TRMT9B: variants seen among roughly 807,000 people sequenced by gnomAD.
TRMT9B encodes tRNA methyltransferase 9B (putative).
TRMT9B carries 16 observed loss-of-function variants against 11.5 expected under a neutral mutation model. The observed-to-expected ratio is 1.39, with a 90% CI of 0.94 to 2.11. TRMT9B has a LOEUF of 2.11. TRMT9B is among the 30% of genes most tolerant of loss of function. The pLI, the probability that TRMT9B is intolerant of heterozygous loss-of-function variation, is 0.00. For missense variants in TRMT9B, 941 were observed against 553.8 expected (o/e 1.70, Z -7.02); for synonymous variants, 274 against 192.4 (o/e 1.42, Z -3.51).
chr8:12,977,802 G>A (rs1804694943), intron 1 of TRMT9B, among the ~76,000 whole-genome samples: 1 of 151,828 alleles, frequency 6.6e-6, no homozygotes, highest in African/African-American at 2.4e-5. Context: ...ATGGCTTGAG[G>A]CCAGGAGTTC....
intron 3 of TRMT9B, chr8:13,007,436 G>T (rs1302016896): frequency 6.6e-6 from 1 of 152,168 alleles, no homozygotes; most frequent in Non-Finnish European, 1.5e-5. Flanking sequence ...TCTAGCAATT[G>T]CATGCTGACT....
chr8:13,019,086 G>A (rs1019754067), intron 4 of TRMT9B, among the ~76,000 whole-genome samples: 1 of 152,136 alleles, frequency 6.6e-6, no homozygotes, highest in African/African-American at 2.4e-5. Context: ...AAAGTCTGGA[G>A]TATTGATTTG....
chr8:13,008,769 C>T (rs1198828616), intron 3 of TRMT9B, among the ~76,000 whole-genome samples: 1 of 152,062 alleles, frequency 6.6e-6, no homozygotes, highest in Admixed American at 6.6e-5. Flanking sequence ...TGCTCTGTTG[C>T]CCAGGCTGGA....
chr8:13,021,691 C>G lies in TRMT9B; in HGVS notation c.1012C>G (p.Gln338Glu), dbSNP rs747689360. 11 of 1,613,834 alleles carry G rather than the reference C, an allele frequency of 6.8e-6. No individual in the cohort carries two copies. The South Asian group carries it at 1.2e-4, about 18-fold the overall frequency. ...GTLKHLNGDH[Q>E]GEMRRNGGGN... ...TCTGAAACATTTAAATGGAGACCAT[C>G]AAGGGGAAATGAGGAGAAATGGAGG... Residue 338 changes from glutamine to glutamate, a missense_variant, in exon 5 of 5, where the codon CAA becomes GAA. Transcript: ENST00000524591.
intron 2 of TRMT9B, among the ~76,000 whole-genome samples, chr8:12,999,455 T>C (rs1040520963): frequency 6.6e-6 from 1 of 152,140 alleles, no homozygotes; most frequent in Admixed American, 6.6e-5. Flanking sequence ...CACATATGTA[T>C]GTAAAAACAT....
chr8:13,010,202 A>T (rs757273650), intron 3 of TRMT9B: 1 of 852,420 alleles, frequency 1.2e-6, no homozygotes, highest in Non-Finnish European at 1.4e-6. Context: ...CAACAACTAC[A>T]TCTATAGTAA....
chr8:12,986,608 G>A (rs1166621606), intron 1 of TRMT9B, among the ~76,000 whole-genome samples: 5 of 152,166 alleles, frequency 3.3e-5, no homozygotes, highest in Admixed American at 6.5e-5. Context: ...CATGCATTAC[G>A]AAGGAAGGGT....
In TRMT9B at chr8:12,987,081, G is replaced by A. The variant is rs372309261; in HGVS notation, c.-199-3753G>A. ...CTTCCAGCCTCTTATTTCGCCATTT[G>A]CTTCCTTGCCTCCCTTTCTCCTCGC... On this transcript the variant is annotated intron_variant, in intron 1 of 4. Transcript: ENST00000524591. Among the ~76,000 whole-genome samples the A allele has an allele frequency of 6.6e-5, 10 of 152,254 alleles. No homozygotes were observed. The East Asian group carries it at 1.2e-3, about 18-fold the overall frequency.
At chr8:12,983,866 C>G (rs562147975) in intron 1 of TRMT9B, among the ~76,000 whole-genome samples, 1 of 152,176 alleles carries the variant, frequency 6.6e-6, no homozygotes, top group African/African-American at 2.4e-5. Flanking sequence ...CTGTTAACAG[C>G]TGACACAGGT....
chr8:12,975,660 C>G (rs966152466), intron 1 of TRMT9B, among the ~76,000 whole-genome samples: 1 of 152,120 alleles, frequency 6.6e-6, no homozygotes, highest in African/African-American at 2.4e-5. Context: ...ATCCTTTGAA[C>G]CCGTGAGGTG....
chr8:13,006,764 GT>G, intron 3 of TRMT9B: 1 of 669,224 alleles, frequency 1.5e-6, no homozygotes, highest in Non-Finnish European at 2.0e-6. Flanking sequence ...CGCCTCCCAG[GT>G]TCAACTGATT....
intron 1 of TRMT9B, among the ~76,000 whole-genome samples, chr8:12,964,697 C>T (rs1802583569): frequency 6.6e-6 from 1 of 152,148 alleles, no homozygotes; most frequent in Non-Finnish European, 1.5e-5. Flanking sequence ...TCCTTATCCT[C>T]CTGAGTAACT....
At chr8:12,958,113 C>G (rs1230111237) in intron 1 of TRMT9B, among the ~76,000 whole-genome samples, 1 of 152,018 alleles carries the variant, frequency 6.6e-6, no homozygotes, top group Non-Finnish European at 1.5e-5. Context: ...TAATTTATTC[C>G]ATGTAGTATA....
At chr8:12,982,249 G>T (rs1466082063) in intron 1 of TRMT9B, among the ~76,000 whole-genome samples, 1 of 152,080 alleles carries the variant, frequency 6.6e-6, no homozygotes, top group East Asian at 1.9e-4. Flanking sequence ...GAGGTGATAG[G>T]GAAGGGGCAG....
chr8:12,972,021 T>A (rs1406474763), intron 1 of TRMT9B, among the ~76,000 whole-genome samples: 1 of 152,212 alleles, frequency 6.6e-6, no homozygotes, highest in Admixed American at 6.5e-5. Flanking sequence ...TTTCATGTTT[T>A]GCACAATAGC....
In TRMT9B at chr8:12,956,415, G is replaced by T. The variant is rs78519202; in HGVS notation, c.-200+10449G>T. 9.1e-3 allele frequency among the ~76,000 whole-genome samples: 1,379 copies of T among 152,296 alleles called. 9 individuals are homozygous for T. The highest frequency in any genetic ancestry group is 0.015 in the Non-Finnish European group (1,036 of 68,028). On this transcript the variant is annotated intron_variant, in intron 1 of 4. Transcript: ENST00000524591. ...ATGTTATCGTTTTGCAGCTGAAATT[G>T]CTGGAAAAAGCATCAAGCAAATGAA...
chr8:13,002,578 G>T (rs113656709), intron 2 of TRMT9B, among the ~76,000 whole-genome samples: 27 of 152,280 alleles, frequency 1.8e-4, no homozygotes, highest in African/African-American at 4.8e-4. Flanking sequence ...TGCAGGGGCT[G>T]TGGGTAGGTT....
At chr8:12,968,971 G>C (rs1054314238) in intron 1 of TRMT9B, among the ~76,000 whole-genome samples, 2 of 152,314 alleles carry the variant, frequency 1.3e-5, no homozygotes, top group African/African-American at 4.8e-5. Context: ...CAGCACTTTG[G>C]GAGGCCAAGG....
intron 4 of TRMT9B, among the ~76,000 whole-genome samples, chr8:13,017,510 T>C (rs1812945390): frequency 6.6e-6 from 1 of 152,182 alleles, no homozygotes; most frequent in African/African-American, 2.4e-5. Flanking sequence ...GATAAATATA[T>C]TCTCACTTCC....
Sources: allele counts gnomAD v4.1 joint callset (sites outside exome capture counted in the v4.1 genomes callset), GRCh38; gene constraint gnomAD v4.1.1; transcripts MANE v1.5; gene names NCBI Gene and HGNC (gene_info 2026-07-23, HGNC 2026-07-21).